RNF17: variants seen among roughly 807,000 people sequenced by gnomAD.
The protein encoded by RNF17 is ring finger protein 17, also known as spermatogenesis associated 23.
Under a neutral mutation model 200.5 loss-of-function variants are expected in RNF17, and 31 were observed. That is an observed-to-expected ratio of 0.15 (90% CI 0.12 to 0.21). The LOEUF is 0.21. Among genes scored for constraint, RNF17 ranks in the 10% least tolerant of loss-of-function variants. RNF17 has a pLI of 1.00. For missense variants in RNF17, 1,628 were observed against 1,905.1 expected, an observed-to-expected ratio of 0.85 and a Z score of 2.71; for synonymous variants, 606 against 637.8, an observed-to-expected ratio of 0.95 and a Z score of 0.75.
intron 9 of RNF17, among the ~76,000 whole-genome samples, chr13:24,791,648 A>G (rs1247399824): frequency 6.6e-6 from 1 of 152,148 alleles, no homozygotes; most frequent in Non-Finnish European, 1.5e-5. Flanking sequence ...TCCAATGGAA[A>G]TGGTCCCCTG....
Position 24,792,986 on chromosome 13 carries a change from A to G in RNF17, c.936-56A>G, listed in dbSNP as rs1378742499. 3.0e-5 allele frequency: 36 copies of G among 1,203,130 alleles called. No homozygotes were observed. In the Middle Eastern group the frequency reaches 6.2e-4, roughly 21 times the overall value. The allele number at this position is 1,203,130 out of a possible 1,614,324, so 74.5% of individuals were successfully genotyped here. On this transcript the variant is annotated intron_variant, in intron 9 of 35. Transcript: ENST00000255324. ...GGTGGGAGTTTCTAGTGACTTATTCATGGTTGTACCATATACCTCTGTATT... is the reference window on the plus strand; with the variant it reads ...GGTGGGAGTTTCTAGTGACTTATTCGTGGTTGTACCATATACCTCTGTATT...
chr13:24,827,727 A>AAAAAAAAAAAAAC (rs1566188607), intron 16 of RNF17, among the ~76,000 whole-genome samples: 1 of 147,934 alleles, frequency 6.8e-6, no homozygotes, highest in East Asian at 2.0e-4. Context: ...ACAAAAAAAA[A>AAAAAAAAAAAAAC]AAAACAATAG....
intron 22 of RNF17, among the ~76,000 whole-genome samples, chr13:24,848,350 G>A (rs907530477): frequency 6.6e-6 from 1 of 152,128 alleles, no homozygotes; most frequent in African/African-American, 2.4e-5. Context: ...ATTCTTAAGT[G>A]TACAGTTCTA....
Position 24,767,303 on chromosome 13 carries a change from T to A in RNF17, c.162T>A (p.Ala54=). 1 of 1,611,920 alleles carries A rather than the reference T, an allele frequency of 6.2e-7. No individual in the cohort carries two copies. The highest frequency in any genetic ancestry group is 8.5e-7 in the Non-Finnish European group (1 of 1,178,080). ...ATTGTGAACTTCAATGTGGACATGC[T>A]TTTTGTGAACTATGCTTGTTAATGA... ...GHHCELQCGH[A]FCELCLLMTE... is the part of the protein sequence containing the mutation. The change falls in exon 2 of 36, where the codon GCT becomes GCA. Residue 54 remains alanine, a synonymous_variant. Coordinates refer to ENST00000255324, the MANE Select transcript of RNF17 (RefSeq NM_031277.3).
rs535683928 is a variant in RNF17, at chr13:24,845,133, CTCG to C, written c.3101+57_3101+59del. 9.0e-4 allele frequency: 824 copies of C among 913,756 alleles called. 5 individuals carry two copies. In the African/African-American group the frequency reaches 0.013, roughly 14 times the overall value. The allele number at this position is 913,756 out of a possible 1,614,324, so 56.6% of individuals were successfully genotyped here. A position where few individuals can be genotyped will look rare whatever the true frequency, so the allele number is the denominator to read the frequency against. On this transcript the variant is annotated intron_variant, in intron 22 of 35. Transcript: ENST00000255324. Reference sequence around the variant, plus strand: ...TATTTTAAATATTTTTAAATGCGTTCTCGTCAGTTTTAATTTTGCTAAGATATT... The same window carrying C: ...TATTTTAAATATTTTTAAATGCGTTCTCAGTTTTAATTTTGCTAAGATATT...
intron 4 of RNF17, among the ~76,000 whole-genome samples, chr13:24,779,391 A>G (rs1488952784): frequency 6.6e-6 from 1 of 152,176 alleles, no homozygotes; most frequent in Non-Finnish European, 1.5e-5. Flanking sequence ...TTTTAAGTTG[A>G]AAAGGTAATT....
At chr13:24,863,828 G>A (rs764003296) in intron 28 of RNF17, among the ~76,000 whole-genome samples, 49 of 152,184 alleles carry the variant, frequency 3.2e-4, no homozygotes, top group African/African-American at 5.8e-4. Context: ...CAGAGACCAC[G>A]AATGTGCATG....
chr13:24,850,809 C>G (rs1891801679), intron 23 of RNF17, among the ~76,000 whole-genome samples: 1 of 152,130 alleles, frequency 6.6e-6, no homozygotes, highest in African/African-American at 2.4e-5. Context: ...TTTTGATTCT[C>G]TAATTTACGA....
chr13:24,872,536 CT>C (rs146813458), intron 32 of RNF17, among the ~76,000 whole-genome samples: 2 of 151,162 alleles, frequency 1.3e-5, no homozygotes, highest in African/African-American at 2.4e-5. Context: ...CATTGGTACA[CT>C]TTTTTTTTAC....
intron 9 of RNF17, 108 bp from the exon 10 acceptor site, chr13:24,792,934 G>GCC: frequency 1.4e-6 from 1 of 736,282 alleles, no homozygotes; most frequent in East Asian, 2.6e-5. Context: ...GAATAATCAT[G>GCC]CCCAAAAGAT....
intron 15 of RNF17, among the ~76,000 whole-genome samples, chr13:24,811,783 T>G (rs1886658306): frequency 6.6e-6 from 1 of 152,042 alleles, no homozygotes; most frequent in Non-Finnish European, 1.5e-5. Context: ...TTATCTACTT[T>G]TGGTCTTTGA....
chr13:24,850,558 T>G (rs1891770116), intron 23 of RNF17, 115 bp downstream of exon 23: 2 of 675,502 alleles, frequency 3.0e-6, no homozygotes, highest in Admixed American at 5.6e-5. Flanking sequence ...TGTTACAAAT[T>G]TTGTCGGTTT....
chr13:24,807,015 A>C (rs1885971702), intron 15 of RNF17, among the ~76,000 whole-genome samples: 1 of 151,754 alleles, frequency 6.6e-6, no homozygotes, highest in South Asian at 2.1e-4. Flanking sequence ...TCCATGGTGT[A>C]TGTGTGCCAC....
intron 15 of RNF17, among the ~76,000 whole-genome samples, chr13:24,817,706 G>A (rs1443590871): frequency 6.7e-6 from 1 of 148,490 alleles, no homozygotes; most frequent in African/African-American, 2.5e-5. Flanking sequence ...GTGACAGCAA[G>A]ACTTCATCTC....
At chr13:24,828,264 C>T (rs1050161998) in intron 16 of RNF17, among the ~76,000 whole-genome samples, 2 of 151,936 alleles carry the variant, frequency 1.3e-5, no homozygotes, top group Admixed American at 1.3e-4. Context: ...CTATTAGCAC[C>T]ACTTTTGGGG....
intron 1 of RNF17, 126 bp downstream of exon 1, chr13:24,764,459 C>T (rs1296147644): frequency 4.4e-5 from 59 of 1,326,238 alleles, no homozygotes; most frequent in Non-Finnish European, 5.4e-5. Flanking sequence ...GAAACTGCGT[C>T]ACAGGCCTCC....
intron 34 of RNF17, among the ~76,000 whole-genome samples, chr13:24,877,687 TAAAAG>T (rs1215600411): frequency 2.0e-5 from 3 of 152,236 alleles, no homozygotes; most frequent in Non-Finnish European, 2.9e-5. Context: ...ACCTGCATCC[TAAAAG>T]AAGAGTGGGA....
chr13:24,752,707 T>C, the RNF17 span, among the ~76,000 whole-genome samples: 1 of 152,230 alleles, frequency 6.6e-6, no homozygotes, highest in Non-Finnish European at 1.5e-5. Context: ...TGACAGGAAG[T>C]GGAGCTCAGG....
At chr13:24,850,273 T>C in intron 22 of RNF17, 68 bp from the exon 23 acceptor site, 3 of 948,160 alleles carry the variant, frequency 3.2e-6, no homozygotes, top group Admixed American at 2.0e-5. Context: ...GTAAATATAG[T>C]GTTTTTTGTA....
Sources: allele counts gnomAD v4.1 joint callset (sites outside exome capture counted in the v4.1 genomes callset), GRCh38; gene constraint gnomAD v4.1.1; transcripts MANE v1.5; gene names NCBI Gene and HGNC (gene_info 2026-07-23, HGNC 2026-07-21).